PXDNL: variants seen among roughly 807,000 people sequenced by gnomAD.
PXDNL encodes the protein peroxidasin like.
Under a neutral mutation model 150.8 loss-of-function variants are expected in PXDNL, and 145 were observed. The observed-to-expected ratio is 0.96, with a 90% CI of 0.84 to 1.10. PXDNL has a LOEUF of 1.10. Among genes scored for constraint, PXDNL ranks in the 50% least tolerant of loss-of-function variants. The pLI, the probability that PXDNL is intolerant of heterozygous loss-of-function variation, is 0.00. For missense variants in PXDNL, 2,087 were observed against 1,873.9 expected (o/e 1.11, Z -2.10); for synonymous variants, 757 against 725.7 (o/e 1.04, Z -0.69).
chr8:51,547,848 T>C (rs1812396944), intron 4 of PXDNL, among the ~76,000 whole-genome samples: 1 of 152,034 alleles, frequency 6.6e-6, no homozygotes, highest in Non-Finnish European at 1.5e-5. Context: ...AGAAGAAATC[T>C]CTGAATTGCC....
At chr8:51,330,730 C>A (rs907162943) in intron 21 of PXDNL, among the ~76,000 whole-genome samples, 3 of 152,110 alleles carry the variant, frequency 2.0e-5, no homozygotes, top group African/African-American at 4.8e-5. Flanking sequence ...CCCTTTGAAC[C>A]CCTAAAATTC....
At chr8:51,745,758 A>T (rs1431691652) in intron 1 of PXDNL, among the ~76,000 whole-genome samples, 5 of 139,210 alleles carry the variant, frequency 3.6e-5, no homozygotes, top group Admixed American at 7.2e-5. Flanking sequence ...CACCACTACC[A>T]TTTTTTTTTT....
intron 12 of PXDNL, chr8:51,435,736 C>G (rs1809386335): frequency 5.4e-6 from 2 of 369,312 alleles, no homozygotes; most frequent in Middle Eastern, 8.3e-4. Context: ...AAGATAGAGA[C>G]TGGATCCCAG....
At chr8:51,764,513 C>T (rs1043516803) in intron 1 of PXDNL, among the ~76,000 whole-genome samples, 2 of 151,404 alleles carry the variant, frequency 1.3e-5, no homozygotes, top group Non-Finnish European at 2.9e-5. Context: ...TACTTTCATT[C>T]ATCTTAAAGT....
chr8:51,534,456 C>T (rs1812008931), intron 4 of PXDNL, among the ~76,000 whole-genome samples: 1 of 105,584 alleles, frequency 9.5e-6, no homozygotes, highest in Non-Finnish European at 1.8e-5. Flanking sequence ...TCTGCCCGGC[C>T]AGCCGCCCCG....
chr8:51,551,463 T>C (rs980024266), intron 4 of PXDNL, among the ~76,000 whole-genome samples: 3 of 152,154 alleles, frequency 2.0e-5, no homozygotes, highest in African/African-American at 4.8e-5. Context: ...ATGGTACTAC[T>C]GGTATAAAAA....
At chr8:51,359,365 G>A (rs1806638827) in intron 19 of PXDNL, among the ~76,000 whole-genome samples, 1 of 152,166 alleles carries the variant, frequency 6.6e-6, no homozygotes, top group Non-Finnish European at 1.5e-5. Context: ...GATGATGTTG[G>A]AACTAAGAAG....
chr8:51,680,621 G>A (rs1241113501), intron 1 of PXDNL, among the ~76,000 whole-genome samples: 1 of 152,180 alleles, frequency 6.6e-6, no homozygotes, highest in Non-Finnish European at 1.5e-5. Context: ...AAAAACGCCA[G>A]TAAATCTCTG....
chr8:51,546,543 G>A (rs972540532), intron 4 of PXDNL, among the ~76,000 whole-genome samples: 1 of 152,212 alleles, frequency 6.6e-6, no homozygotes, highest in African/African-American at 2.4e-5. Flanking sequence ...GCAGAATTGG[G>A]GAGGGGCCAC....
At chr8:51,617,591 T>C (rs1369511178) in intron 2 of PXDNL, among the ~76,000 whole-genome samples, 1 of 152,246 alleles carries the variant, frequency 6.6e-6, no homozygotes, top group Non-Finnish European at 1.5e-5. Flanking sequence ...TCAGGCTCAG[T>C]CAATACTGCA....
At chr8:51,383,361 A>G (rs1436112655) in intron 17 of PXDNL, among the ~76,000 whole-genome samples, 1 of 152,218 alleles carries the variant, frequency 6.6e-6, no homozygotes, top group Non-Finnish European at 1.5e-5. Flanking sequence ...ATAATCCAAT[A>G]CAAAGCGGCA....
In PXDNL at chr8:51,374,327, G is replaced by A. The variant is rs192179746; in HGVS notation, c.3692+270C>T. The stretch of plus-strand genomic sequence containing the variant: ...GGTGAGACTCAGATTTAAGCACAAC[G>A]TAGTCCATCTAGCCTTCATCCTCTC... On this transcript the variant is annotated intron_variant, in intron 18 of 22. Coordinates refer to ENST00000356297, the MANE Select transcript of PXDNL (RefSeq NM_144651.5). Among the ~76,000 whole-genome samples the A allele has an allele frequency of 3.7e-3, 568 of 152,330 alleles. 4 individuals carry two copies. The highest frequency in any genetic ancestry group is 4.4e-3 in the Non-Finnish European group (297 of 68,026).
At chr8:51,582,320 T>A (rs1353291039) in intron 3 of PXDNL, among the ~76,000 whole-genome samples, 1 of 152,130 alleles carries the variant, frequency 6.6e-6, no homozygotes, top group African/African-American at 2.4e-5. Flanking sequence ...ACTCCAGAAC[T>A]GGGAGAAAAT....
At chr8:51,561,708 C>T (rs553576239) in intron 3 of PXDNL, among the ~76,000 whole-genome samples, 1 of 151,788 alleles carries the variant, frequency 6.6e-6, no homozygotes, top group African/African-American at 2.4e-5. Context: ...TAGTGGTTGC[C>T]AGGGGCTACA....
intron 17 of PXDNL, among the ~76,000 whole-genome samples, chr8:51,385,333 G>GAAA (rs1292773410): frequency 7.5e-6 from 1 of 134,176 alleles, no homozygotes. Flanking sequence ...AGCTAAAAAG[G>GAAA]AAAAAAAAAA....
chr8:51,696,803 C>CCA (rs1563510255), intron 1 of PXDNL, among the ~76,000 whole-genome samples: 3 of 1,024 alleles, frequency 2.9e-3, no homozygotes, highest in Admixed American at 0.013. Flanking sequence ...ACACATAGGT[C>CCA]TTCACACACA....
rs192476256 is a variant in PXDNL at position 51,339,407 on chromosome 8, C to T, written c.4146+217G>A. 3.5e-4 allele frequency among the ~76,000 whole-genome samples: 54 copies of T among 152,268 alleles called. 1 individual carries two copies. The highest frequency in any genetic ancestry group is 1.3e-3 in the African/African-American group (53 of 41,550). ...CCCAAGAGGTGGAGGCTCCAGTGAGCCAGAATTGTGCTACTACATTCCATC... is the reference window on the plus strand; with the variant it reads ...CCCAAGAGGTGGAGGCTCCAGTGAGTCAGAATTGTGCTACTACATTCCATC... On this transcript the variant is annotated intron_variant, in intron 21 of 22. Transcript: ENST00000356297.
At chr8:51,476,331 A>G (rs1311548073) in intron 6 of PXDNL, among the ~76,000 whole-genome samples, 2 of 152,198 alleles carry the variant, frequency 1.3e-5, no homozygotes, top group African/African-American at 4.8e-5. Flanking sequence ...CTTGGCATCA[A>G]TATGGATAGG....
rs1805289394 is a variant in PXDNL, at chr8:51,320,723, G to A, written c.4260+61C>T. ...TTCTCCTTTTGAATTTTTCAAGTAT[G>A]CTTCAACTGGCTGGCTAGAAGTGAA... On this transcript the variant is annotated intron_variant, in intron 22 of 22. Transcript: ENST00000356297. 13 of 1,161,110 alleles carry A rather than the reference G, an allele frequency of 1.1e-5. No individual in the cohort carries two copies. In the Admixed American group the frequency reaches 1.5e-4, roughly 14 times the overall value. The allele number at this position is 1,161,110 out of a possible 1,614,324, so 71.9% of individuals were successfully genotyped here. A position where few individuals can be genotyped will look rare whatever the true frequency, so the allele number is the denominator to read the frequency against.
Sources: gnomAD v4.1 joint callset for allele counts (sites outside exome capture counted in the v4.1 genomes callset) on GRCh38, gnomAD v4.1.1 for gene constraint, MANE v1.5 for transcripts, NCBI Gene and HGNC (gene_info 2026-07-23, HGNC 2026-07-21) for gene names.